CSNK1D: variants seen among roughly 807,000 people sequenced by gnomAD.
CSNK1D encodes the protein casein kinase 1 delta.
In CSNK1D, 16 loss-of-function variants were observed where a neutral mutation model predicts 46.6. The ratio of observed to expected loss-of-function variants is 0.34; its 90% CI spans 0.23 to 0.52. The LOEUF (loss-of-function observed/expected upper bound fraction) is 0.52. Among genes scored for constraint, CSNK1D ranks in the 20% least tolerant of loss-of-function variants. CSNK1D has a pLI of 0.95. For missense variants in CSNK1D, 398 were observed against 578.4 expected, an observed-to-expected ratio of 0.69 and a Z score of 3.20; for synonymous variants, 276 against 228.2, an observed-to-expected ratio of 1.21 and a Z score of -1.89.
intron 2 of CSNK1D, among the ~76,000 whole-genome samples, chr17:82,261,407 G>A (rs1170217397): frequency 1.3e-5 from 2 of 152,128 alleles, no homozygotes; most frequent in Non-Finnish European, 1.5e-5. Flanking sequence ...AAACATATGC[G>A]TGGGGATAAA....
chr17:82,253,878 C>T (rs1477509557), intron 3 of CSNK1D: 7 of 241,684 alleles, frequency 2.9e-5, no homozygotes, highest in Admixed American at 1.2e-4. Flanking sequence ...GCCGGAGCCT[C>T]GTGAAGCCAG....
In CSNK1D at chr17:82,251,244, A is replaced by C. The variant is rs1599586521; in HGVS notation, c.885+135T>G. ...CACCCACTCAGTCCAGGTCCTGCCCACTACACACTTGCCCTTCACAACCAG... is the reference window on the plus strand; with the variant it reads ...CACCCACTCAGTCCAGGTCCTGCCCCCTACACACTTGCCCTTCACAACCAG... On this transcript the variant is annotated intron_variant, in intron 6 of 8. Coordinates refer to ENST00000314028, the MANE Select transcript of CSNK1D (RefSeq NM_001893.6). This position sits in a 1 kb window ranked among gnomAD's most constrained non-coding sequence, Gnocchi z 4.5. 2 of 1,054,252 alleles carry C rather than the reference A, an allele frequency of 1.9e-6. No homozygotes were observed. The highest frequency in any genetic ancestry group is 2.6e-5 in the East Asian group (1 of 39,106). The allele number at this position is 1,054,252 out of a possible 1,614,324, so 65.3% of individuals were successfully genotyped here.
At chr17:82,272,888 C>T (rs2051669350) in intron 1 of CSNK1D, among the ~76,000 whole-genome samples, 1 of 150,170 alleles carries the variant, frequency 6.7e-6, no homozygotes, top group South Asian at 2.1e-4. Flanking sequence ...ACCCCCTCCC[C>T]TCCCACGGCC....
chr17:82,248,956 C>T lies in CSNK1D; in HGVS notation c.1116G>A (p.Arg372=). 2 of 1,594,386 alleles carry T rather than the reference C, an allele frequency of 1.3e-6. No individual in the cohort carries two copies. Among genetic ancestry groups the T allele is most frequent in the Middle Eastern group, 3.3e-4 (2 of 6,038 alleles). ...GMERERKVSM[R]LHRGAPVNIS... is the part of the protein sequence containing the mutation. ...TGTTGACGGGGGCCCCGCGGTGCAG[C>T]CGCATACTCACTTTCCGCTCTCTCT... Residue 372 remains arginine, a synonymous_variant, in exon 8 of 9, where the codon CGG becomes CGA. Coordinates refer to ENST00000314028, the MANE Select transcript of CSNK1D (RefSeq NM_001893.6). The surrounding 1 kb of genome is among the most constrained non-coding windows in gnomAD (Gnocchi z 4.1).
chr17:82,252,372 C>T lies in CSNK1D; in HGVS notation c.736+62G>A, dbSNP rs1359432684. 7 of 1,582,710 alleles carry T rather than the reference C, an allele frequency of 4.4e-6. No homozygotes were observed. The East Asian group carries it at 1.3e-4, about 30-fold the overall frequency. ...AAACCCAGACTGAGCCGTCTCGGCACACCCGACACATATGCAACCCCTGTG... is the reference window on the plus strand; with the variant it reads ...AAACCCAGACTGAGCCGTCTCGGCATACCCGACACATATGCAACCCCTGTG... On this transcript the variant is annotated intron_variant, in intron 5 of 8. Transcript: ENST00000314028. The surrounding 1 kb of genome is among the most constrained non-coding windows in gnomAD (Gnocchi z 4.6).
At chr17:82,260,325 TG>T in intron 2 of CSNK1D, among the ~76,000 whole-genome samples, 1 of 134,990 alleles carries the variant, frequency 7.4e-6, no homozygotes, top group African/African-American at 2.6e-5. Context: ...TACTGAGTGA[TG>T]TGACTGATGG....
chr17:82,244,689 C>T lies in CSNK1D; in HGVS notation c.*92G>A. 4 of 1,602,852 alleles carry T rather than the reference C, an allele frequency of 2.5e-6. No individual in the cohort carries two copies. Among genetic ancestry groups the T allele is most frequent in the East Asian group, 2.2e-5 (1 of 44,718 alleles). On this transcript the variant is annotated 3_prime_UTR_variant, in exon 9 of 9. Coordinates refer to ENST00000314028, the MANE Select transcript of CSNK1D (RefSeq NM_001893.6). ...GAGCTCCCGGTGTTAACATTTCGATCCTAGACCGGGGGACGTGTCACTAGT... is the reference window on the plus strand; with the variant it reads ...GAGCTCCCGGTGTTAACATTTCGATTCTAGACCGGGGGACGTGTCACTAGT...
Position 82,250,269 on chromosome 17 carries a change from C to T in CSNK1D, c.886-667G>A. 1.0e-5 allele frequency: 12 copies of T among 1,191,870 alleles called. No individual in the cohort carries two copies. Among genetic ancestry groups the T allele is most frequent in the Non-Finnish European group, 1.3e-5 (12 of 900,420 alleles). The allele number at this position is 1,191,870 out of a possible 1,614,324, so 73.8% of individuals were successfully genotyped here. A position where few individuals can be genotyped will look rare whatever the true frequency, so the allele number is the denominator to read the frequency against. On this transcript the variant is annotated intron_variant, in intron 6 of 8. Coordinates refer to ENST00000314028, the MANE Select transcript of CSNK1D (RefSeq NM_001893.6). This position sits in a 1 kb window ranked among gnomAD's most constrained non-coding sequence, Gnocchi z 4.6. ...GGCCAAACCCAGGTGCCACTTCTTC[C>T]TGCAAGTACAGCTCATTGGACACAG...
At chr17:82,267,487 C>T (rs886177514) in intron 1 of CSNK1D, among the ~76,000 whole-genome samples, 3 of 152,118 alleles carry the variant, frequency 2.0e-5, no homozygotes, top group South Asian at 2.1e-4. Flanking sequence ...GCCACTGCTG[C>T]GTTCCACAGG....
In CSNK1D at chr17:82,255,898, C is replaced by T. The variant is rs1322687133; in HGVS notation, c.188-321G>A. On this transcript the variant is annotated intron_variant, in intron 2 of 8. Coordinates refer to ENST00000314028, the MANE Select transcript of CSNK1D (RefSeq NM_001893.6). The surrounding 1 kb of genome is among the most constrained non-coding windows in gnomAD (Gnocchi z 5.9). ...GGGCAGGAGACACAGAAAGCAGCCA[C>T]GATGTGGGAAAGAAAAGAGCTCAGG... Among the ~76,000 whole-genome samples the T allele has an allele frequency of 1.3e-5, 2 of 152,096 alleles. No homozygotes were observed. The highest frequency in any genetic ancestry group is 1.3e-4 in the Admixed American group (2 of 15,272).
intron 8 of CSNK1D, 65 bp from the exon 9 acceptor site, chr17:82,244,896 A>G: frequency 6.2e-7 from 1 of 1,607,528 alleles, no homozygotes; most frequent in Non-Finnish European, 8.5e-7. Flanking sequence ...GGCAGATACC[A>G]CAGTGACGGT....
rs566893699 is a variant in CSNK1D, at chr17:82,243,377, G to A, written c.*1404C>T. On this transcript the variant is annotated 3_prime_UTR_variant, in exon 9 of 9. Coordinates refer to ENST00000314028, the MANE Select transcript of CSNK1D (RefSeq NM_001893.6). ...AGACTGCCCTGCGCATTGGGGTTGGGAGCACATGGCCACTGGCTACCGCCC... is the reference window on the plus strand; with the variant it reads ...AGACTGCCCTGCGCATTGGGGTTGGAAGCACATGGCCACTGGCTACCGCCC... The A allele has an allele frequency of 1.9e-4, 192 of 985,582 alleles. No individual in the cohort carries two copies. The highest frequency in any genetic ancestry group is 1.6e-3 in the Middle Eastern group (3 of 1,918). The allele number at this position is 985,582 out of a possible 1,614,324, so 61.1% of individuals were successfully genotyped here. A position where few individuals can be genotyped will look rare whatever the true frequency, so the allele number is the denominator to read the frequency against.
downstream of CSNK1D, among the ~76,000 whole-genome samples, chr17:82,242,425 T>C (rs930174886): frequency 1.3e-5 from 2 of 151,906 alleles, no homozygotes; most frequent in African/African-American, 2.4e-5. Context: ...ACACAGAAAG[T>C]GCGTGGACTT....
At position 82,255,945 on chromosome 17, in the gene CSNK1D, G is replaced by A. The variant is rs749628250; in HGVS notation, c.188-368C>T. On this transcript the variant is annotated intron_variant, in intron 2 of 8. Transcript: ENST00000314028. The surrounding 1 kb of genome is among the most constrained non-coding windows in gnomAD (Gnocchi z 5.9). Reference sequence around the variant, plus strand: ...CAGGCATAAAGGAGCAGCAGAGCCCGCCAGAAACGTCACACAGGAGATGGG... The same window carrying A: ...CAGGCATAAAGGAGCAGCAGAGCCCACCAGAAACGTCACACAGGAGATGGG... Among the ~76,000 whole-genome samples the A allele has an allele frequency of 1.4e-4, 21 of 152,210 alleles. No individual in the cohort carries two copies. The highest frequency in any genetic ancestry group is 4.8e-4 in the African/African-American group (20 of 41,450).
Position 82,250,737 on chromosome 17 carries a change from T to A in CSNK1D, c.885+642A>T. The A allele has an allele frequency of 6.0e-6, 1 of 166,240 alleles. No individual in the cohort carries two copies. Among genetic ancestry groups the A allele is most frequent in the Non-Finnish European group, 1.3e-5 (1 of 74,892 alleles). The allele number at this position is 166,240 out of a possible 1,614,324, so 10.3% of individuals were successfully genotyped here. A position where few individuals can be genotyped will look rare whatever the true frequency, so the allele number is the denominator to read the frequency against. ...AGGCAGTTCTGCTCCTCCATCAGAC[T>A]GCTGCCTGGAAAAGCTCCAAATTCT... On this transcript the variant is annotated intron_variant, in intron 6 of 8. Coordinates refer to ENST00000314028, the MANE Select transcript of CSNK1D (RefSeq NM_001893.6). The surrounding 1 kb of genome is among the most constrained non-coding windows in gnomAD (Gnocchi z 4.6).
Position 82,248,927 on chromosome 17 carries a change from G to C in CSNK1D, c.1145C>G (p.Ser382Cys). 1 of 1,608,402 alleles carries C rather than the reference G, an allele frequency of 6.2e-7. No individual in the cohort carries two copies. The highest frequency in any genetic ancestry group is 8.5e-7 in the Non-Finnish European group (1 of 1,177,040). The part of the protein sequence containing the change: ...RLHRGAPVNI[S>C]SSDLTGRQDT... ...TTGTCGGCCTGTGAGGTCGGACGAGGAGATGTTGACGGGGGCCCCGCGGTG... is the reference window on the plus strand; with the variant it reads ...TTGTCGGCCTGTGAGGTCGGACGAGCAGATGTTGACGGGGGCCCCGCGGTG... The change falls in exon 8 of 9, where the codon TCC becomes TGC. Residue 382 changes from serine (S) to cysteine (C), a missense_variant. Physicochemically the swap from Ser to Cys is moderately radical, Grantham distance 112. This residue lies in a region of CSNK1D where 181 missense variants were observed against 208.0 expected (regional missense o/e 0.87). Coordinates refer to ENST00000314028, the MANE Select transcript of CSNK1D (RefSeq NM_001893.6). The surrounding 1 kb of genome is among the most constrained non-coding windows in gnomAD (Gnocchi z 4.1).
In CSNK1D at chr17:82,249,335, G is replaced by T; in HGVS notation, c.1057+96C>A. The stretch of plus-strand genomic sequence containing the variant: ...AGCATCGCCTGACACAGGGCACTTA[G>T]TGTCCACCACCAAGTACCCTGTTGT... On this transcript the variant is annotated intron_variant, in intron 7 of 8. Coordinates refer to ENST00000314028, the MANE Select transcript of CSNK1D (RefSeq NM_001893.6). This position sits in a 1 kb window ranked among gnomAD's most constrained non-coding sequence, Gnocchi z 6.7. 1 of 1,287,068 alleles carries T rather than the reference G, an allele frequency of 7.8e-7. No individual in the cohort carries two copies. The highest frequency in any genetic ancestry group is 1.1e-6 in the Non-Finnish European group (1 of 923,044). The allele number at this position is 1,287,068 out of a possible 1,614,324, so 79.7% of individuals were successfully genotyped here.
rs1027725452 is a variant in CSNK1D, at chr17:82,243,678, G to A, written c.*1103C>T. The A allele has an allele frequency of 3.0e-6, 3 of 985,390 alleles. No individual in the cohort carries two copies. In the African/African-American group the frequency reaches 5.2e-5, roughly 17 times the overall value. 61.0% of individuals were successfully genotyped at this position (985,390 alleles called of 1,614,324 possible). A position where few individuals can be genotyped will look rare whatever the true frequency, so the allele number is the denominator to read the frequency against. On this transcript the variant is annotated 3_prime_UTR_variant, in exon 9 of 9. Transcript: ENST00000314028. ...CCTTCTGGCCTGCCGGCTTTTCTGA[G>A]CTAGTCTTGGCACGTGGCAAGGACA...
At chr17:82,257,109 G>A (rs1027949393) in intron 2 of CSNK1D, among the ~76,000 whole-genome samples, 1 of 151,870 alleles carries the variant, frequency 6.6e-6, no homozygotes, top group Admixed American at 6.6e-5. Context: ...ACAGGTGGGC[G>A]CCACCATGCC....
Sources: allele counts gnomAD v4.1 joint callset (sites outside exome capture counted in the v4.1 genomes callset), GRCh38; gene constraint gnomAD v4.1.1; regional missense constraint gnomAD v4.1.1; non-coding constraint Gnocchi (gnomAD v3.1); transcripts MANE v1.5; gene names NCBI Gene and HGNC (gene_info 2026-07-23, HGNC 2026-07-21).